Variants in FAM107B observed in about 807,000 individuals in gnomAD.
FAM107B encodes protein FAM107B.
Under a neutral mutation model 31.5 loss-of-function variants are expected in FAM107B, and 21 were observed. The ratio of observed to expected loss-of-function variants is 0.67; its 90% confidence interval spans 0.47 to 0.96. FAM107B has a LOEUF of 0.96. FAM107B is among the 40% of genes least tolerant of loss of function. The pLI, the probability that FAM107B is intolerant of heterozygous loss-of-function variation, is 0.00. For missense variants in FAM107B, 452 were observed against 377.1 expected (o/e 1.20, Z -1.64); for synonymous variants, 157 against 141.5 (o/e 1.11, Z -0.78).
intron 2 of FAM107B, among the ~76,000 whole-genome samples, chr10:14,568,183 C>T (rs1215241974): frequency 6.6e-6 from 1 of 152,230 alleles, no homozygotes; most frequent in African/African-American, 2.4e-5. Flanking sequence ...GGTCATGACC[C>T]AAAAGTGGCC....
intron 1 of FAM107B, among the ~76,000 whole-genome samples, chr10:14,752,938 A>G (rs1832858871): frequency 6.6e-6 from 1 of 152,094 alleles, no homozygotes; most frequent in African/African-American, 2.4e-5. Flanking sequence ...TCTCAAAAAA[A>G]AAAAAAATGA....
At chr10:14,740,392 T>C (rs1358547419) in intron 1 of FAM107B, among the ~76,000 whole-genome samples, 1 of 152,172 alleles carries the variant, frequency 6.6e-6, no homozygotes, top group South Asian at 2.1e-4. Flanking sequence ...CTTTATGACA[T>C]GTTGGAAAAC....
intron 1 of FAM107B, among the ~76,000 whole-genome samples, chr10:14,674,899 T>A (rs1327209043): frequency 6.6e-6 from 1 of 152,130 alleles, no homozygotes; most frequent in Non-Finnish European, 1.5e-5. Context: ...CACACCTGGC[T>A]AATTTTCATA....
chr10:14,707,949 GT>G (rs914652026), intron 1 of FAM107B, among the ~76,000 whole-genome samples: 14 of 152,340 alleles, frequency 9.2e-5, no homozygotes, highest in Middle Eastern at 6.8e-3. Flanking sequence ...GGCACAGCAT[GT>G]GTTAAAATAG....
intron 1 of FAM107B, among the ~76,000 whole-genome samples, chr10:14,732,985 A>C (rs1016375778): frequency 2.7e-5 from 4 of 146,758 alleles, no homozygotes; most frequent in Non-Finnish European, 6.0e-5. Context: ...ATAGAATACA[A>C]TATATCTAAT....
chr10:14,664,934 C>T (rs1047145784), intron 2 of FAM107B, among the ~76,000 whole-genome samples: 28 of 152,086 alleles, frequency 1.8e-4, no homozygotes, highest in African/African-American at 5.8e-4. Context: ...CAAGTACACC[C>T]AAAGCAAGAT....
Position 14,712,496 on chromosome 10 carries a change from AG to A in FAM107B, c.412-44806del, listed in dbSNP as rs1386867351. 6.6e-5 allele frequency among the ~76,000 whole-genome samples: 10 copies of A among 151,104 alleles called. No individual in the cohort carries two copies. The East Asian group carries it at 1.9e-3, about 29-fold the overall frequency. ...GTAACCCCCGCTACTAGGGAGGCTG[AG>A]GCAGGAGAATCGTTTGAACCCGGGA... On this transcript the variant is annotated intron_variant, in intron 1 of 4. Coordinates refer to ENST00000181796, the MANE Select transcript of FAM107B (RefSeq NM_031453.4).
chr10:14,758,545 C>G (rs910241511), intron 1 of FAM107B, among the ~76,000 whole-genome samples: 2 of 152,000 alleles, frequency 1.3e-5, no homozygotes, highest in African/African-American at 4.8e-5. Context: ...TTTAAAAACT[C>G]CCCCAAGTGA....
chr10:14,600,992 C>T (rs890819307), intron 2 of FAM107B, among the ~76,000 whole-genome samples: 6 of 152,200 alleles, frequency 3.9e-5, no homozygotes, highest in Admixed American at 1.3e-4. Context: ...GTCTCACACT[C>T]CTGGCCTCAA....
intron 1 of FAM107B, among the ~76,000 whole-genome samples, chr10:14,684,005 C>T (rs1291627701): frequency 6.6e-6 from 1 of 152,152 alleles, no homozygotes; most frequent in Non-Finnish European, 1.5e-5. Context: ...AAACAACAGC[C>T]ATTTATTTCT....
At chr10:14,534,040 G>T (rs1847338077) in intron 2 of FAM107B, among the ~76,000 whole-genome samples, 1 of 152,188 alleles carries the variant, frequency 6.6e-6, no homozygotes, top group East Asian at 1.9e-4. Flanking sequence ...GTGTGGTGAA[G>T]TATATGTATA....
At chr10:14,531,157 A>C (rs1246081620) in intron 2 of FAM107B, among the ~76,000 whole-genome samples, 1 of 152,216 alleles carries the variant, frequency 6.6e-6, no homozygotes, top group East Asian at 1.9e-4. Context: ...CACCAATCAC[A>C]ATCACAGGAC....
At chr10:14,757,499 A>C (rs1832954399) in intron 1 of FAM107B, among the ~76,000 whole-genome samples, 1 of 152,016 alleles carries the variant, frequency 6.6e-6, no homozygotes, top group South Asian at 2.1e-4. Context: ...CTGTTTCTTG[A>C]AAGAACCCTG....
At chr10:14,748,936 C>T (rs559091702) in intron 1 of FAM107B, among the ~76,000 whole-genome samples, 2 of 152,316 alleles carry the variant, frequency 1.3e-5, no homozygotes, top group South Asian at 4.1e-4. Context: ...TGCTTAAGCG[C>T]CCACTGGCCT....
intron 1 of FAM107B, among the ~76,000 whole-genome samples, chr10:14,757,897 T>C (rs1480561262): frequency 6.6e-6 from 1 of 152,194 alleles, no homozygotes; most frequent in Non-Finnish European, 1.5e-5. Context: ...GTTGGGTTTT[T>C]TGTTTTTGTT....
At chr10:14,526,188 C>T (rs560208771) in intron 3 of FAM107B, among the ~76,000 whole-genome samples, 9 of 151,888 alleles carry the variant, frequency 5.9e-5, no homozygotes, top group Admixed American at 4.6e-4. Context: ...TCTTTTTTTC[C>T]GGGGGGACAG....
At chr10:14,702,879 T>C (rs1052819294) in intron 1 of FAM107B, among the ~76,000 whole-genome samples, 7 of 152,134 alleles carry the variant, frequency 4.6e-5, no homozygotes, top group East Asian at 3.9e-4. Flanking sequence ...CCAAGAATTG[T>C]TTTTCCTTCC....
intron 1 of FAM107B, among the ~76,000 whole-genome samples, chr10:14,737,463 A>G (rs576611750): frequency 6.6e-5 from 10 of 152,082 alleles, no homozygotes; most frequent in African/African-American, 2.4e-4. Flanking sequence ...AAATACAAAA[A>G]ATGAGCCGGG....
At chr10:14,643,778 C>T (rs1853688031) in intron 2 of FAM107B, among the ~76,000 whole-genome samples, 1 of 152,156 alleles carries the variant, frequency 6.6e-6, no homozygotes, top group African/African-American at 2.4e-5. Context: ...CACTGACACA[C>T]CCAGAATAAT....
Sources: allele counts gnomAD v4.1 joint callset (sites outside exome capture counted in the v4.1 genomes callset), GRCh38; gene constraint gnomAD v4.1.1; transcripts MANE v1.5; gene names NCBI Gene and HGNC (gene_info 2026-07-23, HGNC 2026-07-21).